The following ATF7 variants were observed in gnomAD, a reference collection of about 807,000 sequenced individuals.
ATF7 encodes the protein cyclic AMP-dependent transcription factor ATF-7.
Under a neutral mutation model 50.4 loss-of-function variants are expected in ATF7, and 10 were observed. That is an observed-to-expected ratio of 0.20 (90% CI 0.12 to 0.34). The LOEUF (loss-of-function observed/expected upper bound fraction) is 0.34, where lower values mean the gene tolerates loss of function less well. ATF7 is among the 10% of genes least tolerant of loss of function. The probability of loss-of-function intolerance (pLI) is 1.00; values close to 1 mark genes in which losing one functional copy is unlikely to be tolerated. For missense variants in ATF7, 465 were observed against 613.9 expected, an observed-to-expected ratio of 0.76 and a Z score of 2.56; for synonymous variants, 201 against 226.4, an observed-to-expected ratio of 0.89 and a Z score of 1.01.
intron 2 of ATF7, among the ~76,000 whole-genome samples, chr12:53,567,444 G>C (rs1291409274): frequency 1.3e-5 from 2 of 152,232 alleles, no homozygotes; most frequent in African/African-American, 4.8e-5. Flanking sequence ...GACTGGAGCA[G>C]CATGTTTTCT....
intron 3 of ATF7, among the ~76,000 whole-genome samples, chr12:53,549,229 A>G (rs2137480933): frequency 6.7e-6 from 1 of 150,312 alleles, no homozygotes; most frequent in Admixed American, 6.6e-5. Flanking sequence ...GCAGCTTGCA[A>G]TGAGCGGAGA....
intron 2 of ATF7, among the ~76,000 whole-genome samples, chr12:53,557,311 C>T (rs1940814140): frequency 6.6e-6 from 1 of 152,242 alleles, no homozygotes; most frequent in East Asian, 1.9e-4. Context: ...ACGCAATCCC[C>T]CCACCCCAGC....
Position 53,586,650 on chromosome 12 carries a change from A to G in ATF7, c.48+14303T>C, listed in dbSNP as rs79839007. ...TAGCATTAAAATGTAGTCTTCATCC[A>G]TCCTATTAAACTGTCACTGTCTCTC... On this transcript the variant is annotated intron_variant, in intron 2 of 11. Transcript: ENST00000420353. Among the ~76,000 whole-genome samples the G allele has an allele frequency of 1.3e-3, 197 of 152,350 alleles. 2 individuals carry two copies. In the East Asian group the frequency reaches 0.028, roughly 21 times the overall value.
intron 7 of ATF7, 87 bp from the exon 8 acceptor site, chr12:53,532,710 T>G: frequency 1.0e-6 from 1 of 964,620 alleles, no homozygotes; most frequent in Non-Finnish European, 1.6e-6. Context: ...GAAGCGCTTT[T>G]GAGATTGGCA....
intron 2 of ATF7, among the ~76,000 whole-genome samples, chr12:53,597,068 T>C (rs1228211166): frequency 1.3e-5 from 2 of 151,980 alleles, no homozygotes; most frequent in South Asian, 2.1e-4. Flanking sequence ...CTTCATGAGG[T>C]TGATGAGGCC....
chr12:53,546,598 G>A (rs1269716585), intron 3 of ATF7, among the ~76,000 whole-genome samples: 2 of 151,360 alleles, frequency 1.3e-5, no homozygotes, highest in African/African-American at 4.9e-5. Context: ...ACAGGTGCAT[G>A]CCACCATGCC....
intron 2 of ATF7, among the ~76,000 whole-genome samples, chr12:53,553,805 C>T (rs1940536104): frequency 1.3e-5 from 2 of 152,180 alleles, no homozygotes; most frequent in South Asian, 2.1e-4. Flanking sequence ...TTCTTCATCA[C>T]GTGTATACTT....
intron 1 of ATF7, among the ~76,000 whole-genome samples, chr12:53,624,744 A>T (rs1944537988): frequency 6.6e-6 from 1 of 152,256 alleles, no homozygotes. Flanking sequence ...CTGGACACAA[A>T]GGAAAAAACT....
chr12:53,586,895 G>A lies in ATF7; in HGVS notation c.48+14058C>T, dbSNP rs147579743. Among the ~76,000 whole-genome samples the A allele has an allele frequency of 4.2e-4, 64 of 152,282 alleles. 1 individual carries two copies. The highest frequency in any genetic ancestry group is 1.3e-3 in the African/African-American group (54 of 41,552). ...AACAAATGAGATCTTTGGATATCAC[G>A]AGTGATCATTTTGGTCAGTTACAAC... On this transcript the variant is annotated intron_variant, in intron 2 of 11. Transcript: ENST00000420353.
intron 1 of ATF7, among the ~76,000 whole-genome samples, chr12:53,610,648 A>G (rs1565598459): frequency 6.6e-6 from 1 of 151,920 alleles, no homozygotes; most frequent in Non-Finnish European, 1.5e-5. Context: ...CAACTGAATC[A>G]TGTTTTACCA....
At chr12:53,587,002 G>A (rs1421143149) in intron 2 of ATF7, among the ~76,000 whole-genome samples, 1 of 152,176 alleles carries the variant, frequency 6.6e-6, no homozygotes, top group Non-Finnish European at 1.5e-5. Context: ...ACTCTAGTCA[G>A]GTATTTCCTG....
chr12:53,552,249 A>G (rs1346271637), intron 3 of ATF7, among the ~76,000 whole-genome samples: 1 of 152,174 alleles, frequency 6.6e-6, no homozygotes. Flanking sequence ...TAAATCTTTC[A>G]AAGTCTTAAT....
At chr12:53,574,878 C>T in intron 2 of ATF7, 1 of 352,864 alleles carries the variant, frequency 2.8e-6, no homozygotes. Flanking sequence ...AGATGGGGAG[C>T]ATTCAAGTGT....
At chr12:53,547,115 G>T (rs1000417896) in intron 3 of ATF7, among the ~76,000 whole-genome samples, 2 of 150,524 alleles carry the variant, frequency 1.3e-5, no homozygotes, top group African/African-American at 4.9e-5. Flanking sequence ...CTCCCGAGTA[G>T]CTGGGACTAC....
intron 2 of ATF7, among the ~76,000 whole-genome samples, chr12:53,587,843 A>ATATATATATATATATTT: frequency 2.9e-4 from 18 of 61,556 alleles, no homozygotes; most frequent in Non-Finnish European, 4.1e-4. Flanking sequence ...ATATATATAT[A>ATATATATATATATATTT]TTTTTTTTTT....
At chr12:53,529,734 C>CACACACACACATAT (rs1298379846) in intron 9 of ATF7, among the ~76,000 whole-genome samples, 11 of 143,550 alleles carry the variant, frequency 7.7e-5, no homozygotes, top group South Asian at 4.4e-4. Flanking sequence ...CACACACACA[C>CACACACACACATAT]ATATATATAT....
chr12:53,565,519 G>C (rs1374173496), intron 2 of ATF7, among the ~76,000 whole-genome samples: 1 of 151,758 alleles, frequency 6.6e-6, no homozygotes, highest in Non-Finnish European at 1.5e-5. Flanking sequence ...AGGGGGCAGA[G>C]TCTTACTTCA....
chr12:53,580,928 A>G (rs1942393089), intron 2 of ATF7, among the ~76,000 whole-genome samples: 2 of 151,604 alleles, frequency 1.3e-5, no homozygotes, highest in African/African-American at 4.8e-5. Context: ...CCTGGTCAAC[A>G]TGGTGAAACC....
intron 11 of ATF7, among the ~76,000 whole-genome samples, chr12:53,521,321 C>T (rs1334466916): frequency 3.3e-5 from 5 of 152,164 alleles, no homozygotes; most frequent in African/African-American, 9.7e-5. Context: ...GCTGAAAACC[C>T]TCTAATGGCC....
Sources: gnomAD v4.1 joint callset for allele counts (sites outside exome capture counted in the v4.1 genomes callset) on GRCh38, gnomAD v4.1.1 for gene constraint, MANE v1.5 for transcripts, NCBI Gene and HGNC (gene_info 2026-07-23, HGNC 2026-07-21) for gene names.